The following DHX40 variants were observed in gnomAD, a reference collection of about 807,000 sequenced individuals.
DHX40 encodes DEAH-box helicase 40, also known as probable ATP-dependent RNA helicase DHX40.
A neutral mutation model predicts 89.6 loss-of-function variants in DHX40; 28 were observed. The ratio of observed to expected loss-of-function variants is 0.31; its 90% CI spans 0.23 to 0.43. The LOEUF (loss-of-function observed/expected upper bound fraction) is 0.43. DHX40 is among the 20% of genes least tolerant of loss of function. The pLI is 1.00. For synonymous variants in DHX40, 226 were observed against 283.6 expected (o/e 0.80, Z 2.04); for missense variants, 457 against 844.0 (o/e 0.54, Z 5.68).
intron 3 of DHX40, among the ~76,000 whole-genome samples, chr17:59,571,816 C>A (rs565869326): frequency 5.9e-5 from 9 of 152,126 alleles, no homozygotes; most frequent in African/African-American, 1.9e-4. Flanking sequence ...TGTGATCTGC[C>A]CACCTCGGCC....
At position 59,607,879 on chromosome 17, in the gene DHX40, T is replaced by TATATATATATATG. The variant is rs2030955544; in HGVS notation, c.*720_*732dup. The TATATATATATATG allele has an allele frequency of 6.7e-6, 1 of 149,834 alleles. No individual in the cohort carries two copies. Among genetic ancestry groups the TATATATATATATG allele is most frequent in the Admixed American group, 6.7e-5 (1 of 14,970 alleles). 9.3% of individuals were successfully genotyped at this position (149,834 alleles called of 1,614,324 possible). A position where few individuals can be genotyped will look rare whatever the true frequency, so the allele number is the denominator to read the frequency against. On this transcript the variant is annotated 3_prime_UTR_variant, in exon 18 of 18. Coordinates refer to ENST00000251241, the MANE Select transcript of DHX40 (RefSeq NM_024612.5). ...TAGCCATTAACCAAAGGACAGATGA[T>TATATATATATATG]ATATATATATATGATATATATATAT...
Position 59,602,646 on chromosome 17 carries a change from A to G in DHX40, c.1901+30A>G, listed in dbSNP as rs184125811. On this transcript the variant is annotated intron_variant, in intron 15 of 17. Coordinates refer to ENST00000251241, the MANE Select transcript of DHX40 (RefSeq NM_024612.5). ...GCAATAAAGACTTGAGAGATGGATC[A>G]AGATATAATACTGTATTTGACTATA... The G allele has an allele frequency of 3.9e-6, 6 of 1,541,412 alleles. No homozygotes were observed. The African/African-American group carries it at 4.1e-5, about 10-fold the overall frequency.
chr17:59,596,989 GT>G (rs2030129528), intron 12 of DHX40, among the ~76,000 whole-genome samples: 2 of 140,104 alleles, frequency 1.4e-5, no homozygotes, highest in East Asian at 4.2e-4. Context: ...TCCCTATGCA[GT>G]TTTGAAAAAA....
chr17:59,571,295 T>C (rs2048804442), intron 3 of DHX40, among the ~76,000 whole-genome samples: 1 of 151,812 alleles, frequency 6.6e-6, no homozygotes, highest in Non-Finnish European at 1.5e-5. Context: ...CTGTCTCTTT[T>C]AAAAATACAA....
intron 7 of DHX40, chr17:59,575,777 AG>A (rs1380463001): frequency 3.2e-6 from 1 of 313,224 alleles, no homozygotes; most frequent in Non-Finnish European, 6.3e-6. Context: ...CTTTGAAATG[AG>A]GACAGTAGTT....
In DHX40 at chr17:59,577,301, G is replaced by A; in HGVS notation, c.1009G>A (p.Gly337Arg). ...GAGGATATTTTTGCCACCACCACCT[G>A]GAATTAGAAAATGTGTCATATCCAC... ...QRRIFLPPPPGIRKCVISTNI... is the reference protein window; with the variant it reads ...QRRIFLPPPPRIRKCVISTNI... The change falls in exon 8 of 18, where the codon GGA (glycine) becomes AGA (arginine). Residue 337 changes from glycine to arginine, a missense_variant. Gly to Arg is a moderately radical substitution (Grantham distance 125). Coordinates refer to ENST00000251241, the MANE Select transcript of DHX40 (RefSeq NM_024612.5). 6.2e-7 allele frequency: 1 copy of A among 1,613,808 alleles called. No individual in the cohort carries two copies. The highest frequency in any genetic ancestry group is 2.2e-5 in the East Asian group (1 of 44,864).
At chr17:59,581,032 A>G (rs1405454735) in intron 10 of DHX40, among the ~76,000 whole-genome samples, 2 of 150,222 alleles carry the variant, frequency 1.3e-5, no homozygotes, top group Non-Finnish European at 2.9e-5. Flanking sequence ...CAACGTGCCA[A>G]GATCACACCA....
Position 59,566,615 on chromosome 17 carries a change from C to G in DHX40, c.113-12C>G. ...CAAGTCTTTTAATTGACTTGTTTTT[C>G]TGTTATTACAGAAGAGAAAGGATGC... On this transcript the variant is annotated splice_polypyrimidine_tract_variant and intron_variant, in intron 1 of 17. Coordinates refer to ENST00000251241, the MANE Select transcript of DHX40 (RefSeq NM_024612.5). 2 of 1,566,286 alleles carry G rather than the reference C, an allele frequency of 1.3e-6. No homozygotes were observed. The highest frequency in any genetic ancestry group is 1.7e-6 in the Non-Finnish European group (2 of 1,165,672).
intron 17 of DHX40, 34 bp from the exon 18 acceptor site, chr17:59,606,999 T>C (rs976793891): frequency 6.3e-7 from 1 of 1,581,582 alleles, no homozygotes; most frequent in Admixed American, 1.8e-5. Context: ...ATCTCAAAGC[T>C]AAGTTTTATT....
At chr17:59,568,232 AAAAT>A (rs1177086105) in intron 2 of DHX40, among the ~76,000 whole-genome samples, 9 of 152,182 alleles carry the variant, frequency 5.9e-5, no homozygotes, top group African/African-American at 9.7e-5. Flanking sequence ...TGTGTCAAAA[AAAAT>A]AAATAAAAAT....
At chr17:59,578,221 G>T (rs1481783402) in intron 8 of DHX40, among the ~76,000 whole-genome samples, 1 of 133,576 alleles carries the variant, frequency 7.5e-6, no homozygotes, top group Non-Finnish European at 1.6e-5. Context: ...CAAAGATCCT[G>T]TGTGTTTCTT....
intron 10 of DHX40, among the ~76,000 whole-genome samples, chr17:59,583,589 A>T (rs1292110): frequency 0.025 from 3,223 of 126,846 alleles, 89 homozygotes; most frequent in Non-Finnish European, 0.04. Flanking sequence ...TGTTTAAAAA[A>T]TTTTTTTTAG....
chr17:59,570,076 ATATT>A (rs2048772501), intron 2 of DHX40, among the ~76,000 whole-genome samples: 3 of 104,976 alleles, frequency 2.9e-5, no homozygotes, highest in Non-Finnish European at 5.0e-5. Context: ...ATTATAATGT[ATATT>A]TATATATAAT....
chr17:59,592,432 C>A (rs1356586583), intron 12 of DHX40, among the ~76,000 whole-genome samples: 2 of 144,364 alleles, frequency 1.4e-5, no homozygotes, highest in Non-Finnish European at 3.0e-5. Flanking sequence ...GTAACCCAAG[C>A]CCTGTCAATA....
In DHX40 at chr17:59,569,111, T is replaced by C. The variant is rs1450769785; in HGVS notation, c.281-1407T>C. 2.6e-3 allele frequency among the ~76,000 whole-genome samples: 396 copies of C among 152,132 alleles called. 1 individual carries two copies. The highest frequency in any genetic ancestry group is 8.5e-3 in the African/African-American group (355 of 41,534). ...TGGGAGGCTGAGGCAGATGGATCAC[T>C]TGAGGTCAGAAGTTTGCGACCAGCC... On this transcript the variant is annotated intron_variant, in intron 2 of 17. Transcript: ENST00000251241.
intron 4 of DHX40, among the ~76,000 whole-genome samples, chr17:59,573,522 C>A (rs2143225617): frequency 6.6e-6 from 1 of 152,230 alleles, no homozygotes; most frequent in Admixed American, 6.5e-5. Context: ...TTTGTAGAGA[C>A]AGTGTCTCGT....
Position 59,567,079 on chromosome 17 carries a change from A to G in DHX40, c.280+285A>G, listed in dbSNP as rs117838828. Among the ~76,000 whole-genome samples, 1,457 of 152,354 alleles carry G rather than the reference A, an allele frequency of 9.6e-3. 25 individuals are homozygous for G. Among genetic ancestry groups the G allele is most frequent in the East Asian group, 0.077 (401 of 5,190 alleles). On this transcript the variant is annotated intron_variant, in intron 2 of 17. Coordinates refer to ENST00000251241, the MANE Select transcript of DHX40 (RefSeq NM_024612.5). ...GAATAAAGTTGTCTAGCAGTAGACT[A>G]TTAACCATTGGATACTGAAATAATT... is the stretch of plus-strand genomic sequence containing the variant.
At chr17:59,586,911 T>C (rs1272334417) in intron 11 of DHX40, among the ~76,000 whole-genome samples, 2 of 152,086 alleles carry the variant, frequency 1.3e-5, no homozygotes. Context: ...TCCAGCACTT[T>C]GGGAGGCCAA....
intron 3 of DHX40, among the ~76,000 whole-genome samples, chr17:59,571,956 G>A (rs575012707): frequency 2.6e-5 from 4 of 152,030 alleles, no homozygotes; most frequent in African/African-American, 7.3e-5. Context: ...TTTGTACTTC[G>A]TGTCACTCTT....
Sources: allele counts gnomAD v4.1 joint callset (sites outside exome capture counted in the v4.1 genomes callset), GRCh38; gene constraint gnomAD v4.1.1; transcripts MANE v1.5; gene names NCBI Gene and HGNC (gene_info 2026-07-23, HGNC 2026-07-21).